Variants in KCTD8 observed in about 807,000 individuals in gnomAD.
KCTD8 encodes the protein BTB/POZ domain-containing protein KCTD8.
In KCTD8, 27 loss-of-function variants were observed where a neutral mutation model predicts 31.5. That is an observed-to-expected ratio of 0.86 (90% CI 0.63 to 1.18). The LOEUF (loss-of-function observed/expected upper bound fraction) is 1.18, where lower values mean the gene tolerates loss of function less well. Among genes scored for constraint, KCTD8 ranks in the 50% most tolerant of loss-of-function variants. KCTD8 has a pLI of 0.00. For missense variants in KCTD8, 658 were observed against 647.7 expected, an observed-to-expected ratio of 1.02 and a Z score of -0.17; for synonymous variants, 290 against 280.0, an observed-to-expected ratio of 1.04 and a Z score of -0.36.
intron 1 of KCTD8, among the ~76,000 whole-genome samples, chr4:44,237,439 G>A (rs975950389): frequency 3.3e-5 from 5 of 152,292 alleles, no homozygotes; most frequent in Middle Eastern, 6.8e-3. Flanking sequence ...TTGGGAATGG[G>A]TGGAATGGAG....
intron 1 of KCTD8, among the ~76,000 whole-genome samples, chr4:44,370,356 T>C (rs1362556987): frequency 1.3e-5 from 2 of 152,188 alleles, no homozygotes; most frequent in Admixed American, 6.5e-5. Flanking sequence ...TGGTAATATA[T>C]AAGGGTGTAA....
chr4:44,334,378 A>C (rs1361738270), intron 1 of KCTD8, among the ~76,000 whole-genome samples: 1 of 151,554 alleles, frequency 6.6e-6, no homozygotes, highest in African/African-American at 2.4e-5. Context: ...ATGAAGGAAG[A>C]AATTAAATTA....
intron 1 of KCTD8, among the ~76,000 whole-genome samples, chr4:44,404,525 C>G (rs1379850283): frequency 6.6e-6 from 1 of 152,112 alleles, no homozygotes. Context: ...CCTAATGGGA[C>G]AATAACTACA....
At chr4:44,255,698 A>G (rs1332549213) in intron 1 of KCTD8, among the ~76,000 whole-genome samples, 1 of 151,850 alleles carries the variant, frequency 6.6e-6, no homozygotes, top group African/African-American at 2.4e-5. Flanking sequence ...TCCATGTAAA[A>G]AATAATCTTG....
intron 1 of KCTD8, among the ~76,000 whole-genome samples, chr4:44,374,755 A>G (rs564494511): frequency 6.6e-6 from 1 of 152,286 alleles, no homozygotes; most frequent in Non-Finnish European, 1.5e-5. Context: ...ACATTAATCA[A>G]TTAAGTTTGC....
At chr4:44,446,717 AC>A (rs1721947081) in intron 1 of KCTD8, among the ~76,000 whole-genome samples, 1 of 151,910 alleles carries the variant, frequency 6.6e-6, no homozygotes, top group African/African-American at 2.4e-5. Flanking sequence ...AGTGGACTCA[AC>A]CCCCGCTTTC....
At chr4:44,409,576 T>C (rs1461571101) in intron 1 of KCTD8, among the ~76,000 whole-genome samples, 2 of 152,096 alleles carry the variant, frequency 1.3e-5, no homozygotes, top group African/African-American at 4.8e-5. Context: ...GCTTGGGAGA[T>C]ACCTGTGGCT....
At chr4:44,212,322 G>A (rs763094445) in intron 1 of KCTD8, among the ~76,000 whole-genome samples, 2 of 152,160 alleles carry the variant, frequency 1.3e-5, no homozygotes, top group Non-Finnish European at 2.9e-5. Flanking sequence ...TGCAGGGAGG[G>A]TACATAGGAC....
chr4:44,296,845 T>G (rs1213527292), intron 1 of KCTD8, among the ~76,000 whole-genome samples: 1 of 152,056 alleles, frequency 6.6e-6, no homozygotes, highest in Admixed American at 6.5e-5. Flanking sequence ...ACCTCAAGAA[T>G]GACACCCCAA....
chr4:44,360,676 A>C (rs758305800), intron 1 of KCTD8, among the ~76,000 whole-genome samples: 3 of 152,062 alleles, frequency 2.0e-5, no homozygotes, highest in Non-Finnish European at 4.4e-5. Flanking sequence ...GAAATCCTCA[A>C]GAGATGCTTT....
At chr4:44,256,543 G>A (rs1378677969) in intron 1 of KCTD8, among the ~76,000 whole-genome samples, 1 of 151,904 alleles carries the variant, frequency 6.6e-6, no homozygotes, top group Non-Finnish European at 1.5e-5. Flanking sequence ...ATACACTACT[G>A]GTGGGAATGT....
chr4:44,302,607 G>A (rs542569509), intron 1 of KCTD8, among the ~76,000 whole-genome samples: 1 of 152,048 alleles, frequency 6.6e-6, no homozygotes, highest in East Asian at 1.9e-4. Context: ...ATCAGCTTAA[G>A]GAGATTTTGG....
At chr4:44,186,253 G>T (rs552823797) in intron 1 of KCTD8, among the ~76,000 whole-genome samples, 1 of 152,190 alleles carries the variant, frequency 6.6e-6, no homozygotes, top group Admixed American at 6.5e-5. Context: ...TGTGGCGGCG[G>T]CTGAGGGGAA....
At chr4:44,254,546 T>C (rs1247514341) in intron 1 of KCTD8, among the ~76,000 whole-genome samples, 16 of 148,480 alleles carry the variant, frequency 1.1e-4, no homozygotes, top group African/African-American at 4.0e-4. Flanking sequence ...CTCACAAAGA[T>C]TTCTTTTCTC....
intron 1 of KCTD8, among the ~76,000 whole-genome samples, chr4:44,445,117 A>T (rs1721908398): frequency 6.6e-6 from 1 of 152,208 alleles, no homozygotes; most frequent in Admixed American, 6.5e-5. Flanking sequence ...GTCATCAACT[A>T]AACTGAATAC....
At chr4:44,243,886 T>G (rs946741093) in intron 1 of KCTD8, among the ~76,000 whole-genome samples, 1 of 152,246 alleles carries the variant, frequency 6.6e-6, no homozygotes, top group Non-Finnish European at 1.5e-5. Context: ...ATTCTCATTA[T>G]GCAAAAACAA....
At chr4:44,214,211 T>C (rs1049027921) in intron 1 of KCTD8, among the ~76,000 whole-genome samples, 1 of 152,188 alleles carries the variant, frequency 6.6e-6, no homozygotes, top group African/African-American at 2.4e-5. Flanking sequence ...ATGGATGCAA[T>C]GAAAATTGTT....
intron 1 of KCTD8, among the ~76,000 whole-genome samples, chr4:44,309,721 C>T (rs760411824): frequency 6.6e-6 from 1 of 151,910 alleles, no homozygotes; most frequent in East Asian, 1.9e-4. Context: ...TATTGACTTG[C>T]CATTTAAATT....
At chr4:44,430,681 G>A (rs1001764356) in intron 1 of KCTD8, among the ~76,000 whole-genome samples, 2 of 151,724 alleles carry the variant, frequency 1.3e-5, no homozygotes. Flanking sequence ...GAAGACAACA[G>A]TTGTAAAAAT....
Sources: allele counts gnomAD v4.1 joint callset (sites outside exome capture counted in the v4.1 genomes callset), GRCh38; gene constraint gnomAD v4.1.1; transcripts MANE v1.5; gene names NCBI Gene and HGNC (gene_info 2026-07-23, HGNC 2026-07-21).